NELL2: variants seen among roughly 807,000 people sequenced by gnomAD.
NELL2 encodes neural EGFL like 2, also known as protein kinase C-binding protein NELL2.
Under a neutral mutation model 109.6 loss-of-function variants are expected in NELL2, and 41 were observed. The ratio of observed to expected loss-of-function variants is 0.37; its 90% CI spans 0.29 to 0.49. The LOEUF is 0.49. Among genes scored for constraint, NELL2 ranks in the 20% least tolerant of loss-of-function variants. NELL2 has a pLI of 0.98. For missense variants in NELL2, 900 were observed against 1,008.3 expected (o/e 0.89, Z 1.45); for synonymous variants, 355 against 344.7 (o/e 1.03, Z -0.33).
At position 44,726,637 on chromosome 12, in the gene NELL2, A is replaced by C. The variant is rs144539302; in HGVS notation, c.995-11896T>G. Among the ~76,000 whole-genome samples the C allele has an allele frequency of 5.9e-4, 90 of 152,286 alleles. No homozygotes were observed. The East Asian group carries it at 0.014, about 23-fold the overall frequency. ...TACTTAAACTTGAATATAATCAAGA[A>C]AATTTTGATTGCAATTGCTTTCAAA... is the stretch of plus-strand genomic sequence containing the variant. On this transcript the variant is annotated intron_variant, in intron 9 of 19. Coordinates refer to ENST00000429094, the MANE Select transcript of NELL2 (RefSeq NM_001145108.2).
chr12:44,600,448 A>G (rs1945176568), intron 15 of NELL2, among the ~76,000 whole-genome samples: 1 of 152,214 alleles, frequency 6.6e-6, no homozygotes, highest in Non-Finnish European at 1.5e-5. Context: ...CAATTTCAGT[A>G]TAAATAAAAT....
At chr12:44,640,304 T>C (rs1374888000) in intron 13 of NELL2, among the ~76,000 whole-genome samples, 29 of 152,192 alleles carry the variant, frequency 1.9e-4, no homozygotes, top group Admixed American at 1.9e-3. Context: ...ACAAGGTAGA[T>C]GCTATTATCC....
chr12:44,529,343 G>T (rs1413095031), intron 16 of NELL2, among the ~76,000 whole-genome samples: 1 of 152,146 alleles, frequency 6.6e-6, no homozygotes, highest in African/African-American at 2.4e-5. Context: ...CTATGTTAAG[G>T]GACCTGTAGG....
At chr12:44,748,383 G>T (rs560431162) in intron 9 of NELL2, among the ~76,000 whole-genome samples, 2 of 152,096 alleles carry the variant, frequency 1.3e-5, no homozygotes, top group South Asian at 4.2e-4. Context: ...AATCTTTATA[G>T]ACAAGGAATC....
At chr12:44,703,636 C>T in intron 12 of NELL2, 90 bp downstream of exon 12, 2 of 1,371,756 alleles carry the variant, frequency 1.5e-6, no homozygotes, top group African/African-American at 1.4e-5. Context: ...ATGGGCCCAT[C>T]AACTTGACAA....
At chr12:44,772,074 A>G (rs966851055) in intron 9 of NELL2, among the ~76,000 whole-genome samples, 4 of 152,220 alleles carry the variant, frequency 2.6e-5, no homozygotes, top group Admixed American at 2.0e-4. Context: ...TTAAAAAGGC[A>G]GTTGAGCAGA....
chr12:44,585,413 C>T (rs538825680), intron 15 of NELL2, among the ~76,000 whole-genome samples: 56 of 152,152 alleles, frequency 3.7e-4, no homozygotes, highest in Non-Finnish European at 5.7e-4. Context: ...ACCACCCTGG[C>T]CAACATGGCG....
At chr12:44,573,307 C>A (rs1337176698) in intron 15 of NELL2, among the ~76,000 whole-genome samples, 2 of 151,950 alleles carry the variant, frequency 1.3e-5, no homozygotes, top group East Asian at 3.8e-4. Flanking sequence ...ACCAAACTGC[C>A]CAAGTGTGAG....
chr12:44,523,981 C>G (rs80174374), intron 16 of NELL2, among the ~76,000 whole-genome samples: 4,954 of 152,254 alleles, frequency 0.033, 110 homozygotes, highest in Admixed American at 0.044. Context: ...GCACCTGCCC[C>G]CCTCCATGAA....
chr12:44,805,928 C>T (rs1050471236), intron 3 of NELL2, among the ~76,000 whole-genome samples: 3 of 151,686 alleles, frequency 2.0e-5, no homozygotes, highest in African/African-American at 7.3e-5. Flanking sequence ...AATTTTGTTT[C>T]ATTATATATA....
intron 15 of NELL2, among the ~76,000 whole-genome samples, chr12:44,542,861 T>C (rs938958202): frequency 3.3e-5 from 5 of 152,266 alleles, no homozygotes; most frequent in East Asian, 3.9e-4. Flanking sequence ...TCTGGAGTTA[T>C]GTAGGTGTAC....
chr12:44,626,936 A>G (rs1312293376), intron 13 of NELL2, among the ~76,000 whole-genome samples: 1 of 152,218 alleles, frequency 6.6e-6, no homozygotes, highest in East Asian at 1.9e-4. Flanking sequence ...AAAAATTGTA[A>G]TAGTTTTTAA....
intron 3 of NELL2, among the ~76,000 whole-genome samples, chr12:44,783,218 A>C (rs1454632930): frequency 6.7e-6 from 1 of 148,834 alleles, no homozygotes; most frequent in Non-Finnish European, 1.5e-5. Context: ...AAAAATTGCC[A>C]AAAAAACAGG....
chr12:44,583,506 A>G (rs1379016897), intron 15 of NELL2, among the ~76,000 whole-genome samples: 1 of 152,218 alleles, frequency 6.6e-6, no homozygotes, highest in Non-Finnish European at 1.5e-5. Flanking sequence ...ACACTGATAA[A>G]TGAATAAACC....
At chr12:44,669,563 C>G (rs1948066238) in intron 12 of NELL2, among the ~76,000 whole-genome samples, 1 of 151,498 alleles carries the variant, frequency 6.6e-6, no homozygotes, top group Non-Finnish European at 1.5e-5. Flanking sequence ...AAGAAAAAAC[C>G]AGAAATCCTA....
At chr12:44,832,836 T>G (rs73279135) in intron 2 of NELL2, among the ~76,000 whole-genome samples, 5 of 152,346 alleles carry the variant, frequency 3.3e-5, no homozygotes, top group African/African-American at 1.2e-4. Flanking sequence ...ATGAGGACTG[T>G]AGCTCTATGA....
chr12:44,649,073 C>T (rs946037936), intron 13 of NELL2, among the ~76,000 whole-genome samples: 1 of 151,894 alleles, frequency 6.6e-6, no homozygotes, highest in Non-Finnish European at 1.5e-5. Flanking sequence ...GCCACAATGC[C>T]ATCTTACATT....
At chr12:44,532,761 C>T in intron 15 of NELL2, 40 bp from the exon 16 acceptor site, 2 of 1,578,294 alleles carry the variant, frequency 1.3e-6, no homozygotes, top group Admixed American at 1.8e-5. Flanking sequence ...TATTTATCTT[C>T]TTTGAAAGAA....
chr12:44,689,680 A>C (rs1230088852), intron 12 of NELL2, among the ~76,000 whole-genome samples: 1 of 152,234 alleles, frequency 6.6e-6, no homozygotes, highest in Non-Finnish European at 1.5e-5. Flanking sequence ...AATTATTCTC[A>C]ACTGAGAGCA....
Sources: allele counts gnomAD v4.1 joint callset (sites outside exome capture counted in the v4.1 genomes callset), GRCh38; gene constraint gnomAD v4.1.1; transcripts MANE v1.5; gene names NCBI Gene and HGNC (gene_info 2026-07-23, HGNC 2026-07-21).